Variants in SERPINE3 observed in about 807,000 individuals in gnomAD.
SERPINE3 encodes the protein serpin E3.
In SERPINE3, 43 loss-of-function variants were observed where a neutral mutation model predicts 41.7. The ratio of observed to expected loss-of-function variants is 1.03; its 90% CI spans 0.81 to 1.33. SERPINE3 has a LOEUF of 1.33. SERPINE3 is among the 40% of genes most tolerant of loss of function. SERPINE3 has a pLI of 0.00. For synonymous variants in SERPINE3, 200 were observed against 192.2 expected, an observed-to-expected ratio of 1.04 and a Z score of -0.34; for missense variants, 440 against 491.7, an observed-to-expected ratio of 0.89 and a Z score of 0.99.
chr13:51,361,993 TCTAG>T (rs1228553730), intron 9 of SERPINE3, 100 bp downstream of exon 9: 13 of 1,610,402 alleles, frequency 8.1e-6, no homozygotes, highest in African/African-American at 1.3e-5. Context: ...AAGCATTCTT[TCTAG>T]CTGTTTTTAT....
chr13:51,361,579 A>G lies in SERPINE3; in HGVS notation c.1087+215A>G. 3 of 584,626 alleles carry G rather than the reference A, an allele frequency of 5.1e-6. No individual in the cohort carries two copies. The South Asian group carries it at 7.1e-5, about 14-fold the overall frequency. 36.2% of individuals were successfully genotyped at this position (584,626 alleles called of 1,614,324 possible). A position where few individuals can be genotyped will look rare whatever the true frequency, so the allele number is the denominator to read the frequency against. Reference sequence around the variant, plus strand: ...TCCCATAAAAATAATTCTGAAAGTTACCTTCAATAAGGAATTTATTCCATG... The same window carrying G: ...TCCCATAAAAATAATTCTGAAAGTTGCCTTCAATAAGGAATTTATTCCATG... On this transcript the variant is annotated intron_variant, in intron 8 of 9. Transcript: ENST00000681248.
Position 51,361,352 on chromosome 13 carries a change from T to A in SERPINE3, c.1075T>A (p.Ser359Thr). Residue 359 changes from serine (S) to threonine (T), a missense_variant, in exon 8 of 10, where the codon TCT becomes ACT. Ser to Thr is a moderately conservative substitution (Grantham distance 58). Transcript: ENST00000681248. The part of the protein sequence containing the change: ...IEVLEEGTKA[S>T]GATALLLLKR... Reference sequence around the variant, plus strand: ...AGTTTTGGAGGAAGGCACCAAGGCATCTGGAGCCACAGGTATGTTCAGAGA... The same window carrying A: ...AGTTTTGGAGGAAGGCACCAAGGCAACTGGAGCCACAGGTATGTTCAGAGA... 1 of 1,605,914 alleles carries A rather than the reference T, an allele frequency of 6.2e-7. No homozygotes were observed. The highest frequency in any genetic ancestry group is 8.5e-7 in the Non-Finnish European group (1 of 1,173,976).
At chr13:51,356,781 CCTTT>C (rs1183311243) in intron 7 of SERPINE3, among the ~76,000 whole-genome samples, 1 of 114,626 alleles carries the variant, frequency 8.7e-6, no homozygotes, top group African/African-American at 4.1e-5. Flanking sequence ...TGATACGAAA[CCTTT>C]TTTTTTTTTT....
intron 6 of SERPINE3, chr13:51,354,070 C>A (rs1336709476): frequency 6.6e-6 from 1 of 152,126 alleles, no homozygotes; most frequent in African/African-American, 2.4e-5. Context: ...AAAGTGCACA[C>A]AGCAAATATG....
chr13:51,342,178 C>CAAA lies in SERPINE3; in HGVS notation c.256+851_256+853dup, dbSNP rs869298134. On this transcript the variant is annotated intron_variant, in intron 3 of 9. Transcript: ENST00000681248. ...ATCTAGGAATTCAGCAAAGACAGAA[C>CAAA]AAAAAAAAAAAAAAAAAAAAAAGAG... Among the ~76,000 whole-genome samples, 330 of 63,090 alleles carry CAAA rather than the reference C, an allele frequency of 5.2e-3. 1 individual carries two copies. Among genetic ancestry groups the CAAA allele is most frequent in the African/African-American group, 9.6e-3 (180 of 18,662 alleles). The allele number at this position is 63,090 out of a possible 152,430, so 41.4% of individuals were successfully genotyped here. A position where few individuals can be genotyped will look rare whatever the true frequency, so the allele number is the denominator to read the frequency against.
At chr13:51,357,393 T>C (rs1955496251) in intron 7 of SERPINE3, among the ~76,000 whole-genome samples, 4 of 152,142 alleles carry the variant, frequency 2.6e-5, no homozygotes, top group Admixed American at 2.6e-4. Context: ...AGCAGAGACC[T>C]TGCCAGAGAG....
chr13:51,346,995 C>T (rs1168479350), intron 4 of SERPINE3, 30 bp from the exon 5 acceptor site: 34 of 1,518,442 alleles, frequency 2.2e-5, no homozygotes, highest in Non-Finnish European at 3.0e-5. Context: ...GCACATTTAA[C>T]CCATGGCCAC....
chr13:51,344,126 T>TA, intron 3 of SERPINE3, 126 bp from the exon 4 acceptor site: 1 of 702,664 alleles, frequency 1.4e-6, no homozygotes, highest in Non-Finnish European at 2.5e-6. Flanking sequence ...CTTTGTATGG[T>TA]AGATGAACCT....
At chr13:51,364,025 C>G (rs1464352181) in intron 9 of SERPINE3, 1 of 333,670 alleles carries the variant, frequency 3.0e-6, no homozygotes, top group Non-Finnish European at 5.3e-6. Context: ...ATTCCAGAAT[C>G]TAAATATATA....
At chr13:51,355,842 G>T (rs973107450) in intron 7 of SERPINE3, among the ~76,000 whole-genome samples, 1 of 152,160 alleles carries the variant, frequency 6.6e-6, no homozygotes, top group Non-Finnish European at 1.5e-5. Context: ...CAAAGGCTCA[G>T]GTTTGTTTCT....
At chr13:51,359,890 A>T (rs1486839497) in intron 7 of SERPINE3, among the ~76,000 whole-genome samples, 1 of 152,084 alleles carries the variant, frequency 6.6e-6, no homozygotes, top group African/African-American at 2.4e-5. Flanking sequence ...GACCCTAGAG[A>T]AAAAGACCAA....
intron 7 of SERPINE3, among the ~76,000 whole-genome samples, chr13:51,359,738 G>T (rs529095233): frequency 6.6e-6 from 1 of 151,940 alleles, no homozygotes; most frequent in Non-Finnish European, 1.5e-5. Flanking sequence ...ATGAAGTCTC[G>T]GAGATTAGTA....
intron 9 of SERPINE3, chr13:51,362,468 A>G (rs1955600664): frequency 6.5e-6 from 1 of 152,900 alleles, no homozygotes. Context: ...AGGACACACA[A>G]ATATTCTTAG....
At chr13:51,347,302 G>A (rs1242556728) in intron 5 of SERPINE3, 68 bp downstream of exon 5, 1 of 1,362,130 alleles carries the variant, frequency 7.3e-7, no homozygotes. Flanking sequence ...GGAGAGAGGA[G>A]GCCAGGTCCC....
intron 6 of SERPINE3, among the ~76,000 whole-genome samples, chr13:51,352,668 C>A (rs1955417524): frequency 6.6e-6 from 1 of 151,972 alleles, no homozygotes; most frequent in Non-Finnish European, 1.5e-5. Context: ...TGTTCCTGAT[C>A]TTAGGGGGAA....
chr13:51,363,239 AGTTTT>A, intron 9 of SERPINE3: 3 of 151,978 alleles, frequency 2.0e-5, no homozygotes, highest in Non-Finnish European at 2.9e-5. Flanking sequence ...CAATGGTAGG[AGTTTT>A]CAGAACTGCC....
At chr13:51,351,766 G>C (rs1290002662) in intron 6 of SERPINE3, among the ~76,000 whole-genome samples, 3 of 151,906 alleles carry the variant, frequency 2.0e-5, no homozygotes, top group Admixed American at 2.0e-4. Context: ...AACTTTATAG[G>C]CTTAGCTCTT....
intron 3 of SERPINE3, among the ~76,000 whole-genome samples, chr13:51,342,753 T>C (rs1955307267): frequency 6.6e-6 from 1 of 152,198 alleles, no homozygotes; most frequent in Admixed American, 6.5e-5. Flanking sequence ...AGTGTTTCAA[T>C]TCTTCTCTGC....
At position 51,341,191 on chromosome 13, in the gene SERPINE3, G is replaced by T. The variant is rs374978467; in HGVS notation, c.100G>T (p.Ala34Ser). ...EGMTLLKTEF[A>S]LHLYQSVAAC... is the part of the protein sequence containing the mutation. ...AATGACATTGCTGAAGACTGAGTTT[G>T]CACTTCACCTCTACCAGAGTGTGGC... Residue 34 changes from alanine to serine, a missense_variant, in exon 3 of 10, where the codon GCA becomes TCA. Transcript: ENST00000681248. 103 of 1,613,920 alleles carry T rather than the reference G, an allele frequency of 6.4e-5. No homozygotes were observed. Among genetic ancestry groups the T allele is most frequent in the Non-Finnish European group, 8.5e-5 (100 of 1,179,912 alleles).
Sources: gnomAD v4.1 joint callset for allele counts (sites outside exome capture counted in the v4.1 genomes callset) on GRCh38, gnomAD v4.1.1 for gene constraint, MANE v1.5 for transcripts, NCBI Gene and HGNC (gene_info 2026-07-23, HGNC 2026-07-21) for gene names.